GLIS3: variants seen among roughly 807,000 people sequenced by gnomAD.
GLIS3 encodes GLIS family zinc finger 3, also known as zinc finger protein GLIS3.
Under a neutral mutation model 78.6 loss-of-function variants are expected in GLIS3, and 53 were observed. The observed-to-expected ratio is 0.67, with a 90% CI of 0.54 to 0.85. GLIS3 has a LOEUF of 0.85. Ranked by LOEUF, GLIS3 falls within the 40% of genes least tolerant of loss-of-function variation. GLIS3 has a pLI of 0.00. For missense variants in GLIS3, 1,703 were observed against 1,231.1 expected, an observed-to-expected ratio of 1.38 and a Z score of -5.74; for synonymous variants, 684 against 509.9, an observed-to-expected ratio of 1.34 and a Z score of -4.60.
chr9:4,187,839 T>G (rs545382564), intron 2 of GLIS3, among the ~76,000 whole-genome samples: 23 of 152,270 alleles, frequency 1.5e-4, no homozygotes, highest in African/African-American at 4.6e-4. Flanking sequence ...TTTTTGCACA[T>G]TGATTTTGTA....
At chr9:4,336,823 C>T (rs903211668) in intron 2 of GLIS3, among the ~76,000 whole-genome samples, 26 of 152,158 alleles carry the variant, frequency 1.7e-4, no homozygotes, top group Non-Finnish European at 2.9e-4. Flanking sequence ...AATTACACTA[C>T]AGATCTGCTA....
At chr9:4,222,347 G>C (rs1472684597) in intron 2 of GLIS3, among the ~76,000 whole-genome samples, 1 of 152,116 alleles carries the variant, frequency 6.6e-6, no homozygotes, top group Non-Finnish European at 1.5e-5. Flanking sequence ...AATTCTCTCT[G>C]CATCAGATTT....
chr9:4,169,862 C>G (rs1014100059), intron 2 of GLIS3, among the ~76,000 whole-genome samples: 6 of 151,904 alleles, frequency 3.9e-5, no homozygotes, highest in African/African-American at 1.5e-4. Flanking sequence ...GAAATTATAT[C>G]AAAATTAAAA....
chr9:4,100,958 G>A (rs559113697), intron 4 of GLIS3, among the ~76,000 whole-genome samples: 3 of 152,148 alleles, frequency 2.0e-5, no homozygotes, highest in Non-Finnish European at 4.4e-5. Context: ...TAATATAATA[G>A]CCAGCCCTGG....
exon 1 of GLIS3, chr9:4,348,282 A>G (rs1013363908): frequency 1.3e-5 from 2 of 152,224 alleles, no homozygotes; most frequent in African/African-American, 2.4e-5. Flanking sequence ...TGTCTTCACA[A>G]TATCATCGAG....
intron 2 of GLIS3, among the ~76,000 whole-genome samples, chr9:4,332,469 T>A (rs1433542106): frequency 6.6e-6 from 1 of 152,206 alleles, no homozygotes; most frequent in Non-Finnish European, 1.5e-5. Flanking sequence ...ACACAGAATC[T>A]TTTTCACAAA....
chr9:4,058,638 T>A (rs917678577), intron 4 of GLIS3, among the ~76,000 whole-genome samples: 1 of 152,154 alleles, frequency 6.6e-6, no homozygotes, highest in Non-Finnish European at 1.5e-5. Flanking sequence ...AGAGCGACAT[T>A]TGCTTGCTCC....
chr9:4,479,250 A>T, the GLIS3 span, among the ~76,000 whole-genome samples: 2 of 152,182 alleles, frequency 1.3e-5, no homozygotes, highest in African/African-American at 4.8e-5. Flanking sequence ...TTAACAAATA[A>T]ATAAGAGAGA....
At chr9:4,164,449 G>C (rs1586852155) in intron 2 of GLIS3, among the ~76,000 whole-genome samples, 2 of 152,200 alleles carry the variant, frequency 1.3e-5, no homozygotes, top group African/African-American at 4.8e-5. Context: ...ATTTCTTCAT[G>C]TTAAAGAGGG....
chr9:4,224,560 C>T (rs1821604196), intron 2 of GLIS3, among the ~76,000 whole-genome samples: 1 of 152,152 alleles, frequency 6.6e-6, no homozygotes, highest in African/African-American at 2.4e-5. Flanking sequence ...ATTGTTTTCT[C>T]ACCGCATTGG....
At chr9:4,237,252 T>A (rs1822851200) in intron 2 of GLIS3, among the ~76,000 whole-genome samples, 1 of 152,032 alleles carries the variant, frequency 6.6e-6, no homozygotes, top group South Asian at 2.1e-4. Flanking sequence ...ATAATTTAAA[T>A]ATTAAAGGCA....
the GLIS3 span, among the ~76,000 whole-genome samples, chr9:4,426,264 A>G: frequency 6.6e-6 from 1 of 152,188 alleles, no homozygotes; most frequent in Non-Finnish European, 1.5e-5. Context: ...TCAGTTGTTC[A>G]TAGGATTTAC....
intron 2 of GLIS3, among the ~76,000 whole-genome samples, chr9:4,149,815 G>A (rs1431484428): frequency 6.6e-6 from 1 of 152,196 alleles, no homozygotes; most frequent in African/African-American, 2.4e-5. Flanking sequence ...GGTAAAATAA[G>A]GTAGGATAAA....
chr9:4,084,659 G>A (rs1406975953), intron 4 of GLIS3, among the ~76,000 whole-genome samples: 1 of 152,086 alleles, frequency 6.6e-6, no homozygotes, highest in African/African-American at 2.4e-5. Context: ...ACCACACACT[G>A]CTCTTTGTTA....
chr9:4,250,527 C>A (rs1417445699), intron 2 of GLIS3, among the ~76,000 whole-genome samples: 1 of 151,990 alleles, frequency 6.6e-6, no homozygotes, highest in Non-Finnish European at 1.5e-5. Context: ...GTTTTGCTAG[C>A]AGTCTATCAG....
chr9:4,350,465 T>A (rs1326687981), upstream of GLIS3, among the ~76,000 whole-genome samples: 3 of 152,222 alleles, frequency 2.0e-5, no homozygotes, highest in Non-Finnish European at 4.4e-5. Flanking sequence ...TTCTTTAAAC[T>A]GCATTTTCAC....
chr9:4,238,612 G>T (rs77431718), intron 2 of GLIS3, among the ~76,000 whole-genome samples: 17 of 152,144 alleles, frequency 1.1e-4, no homozygotes, highest in African/African-American at 4.1e-4. Context: ...AATAAGTTTT[G>T]CCAGTGTTCT....
intron 8 of GLIS3, among the ~76,000 whole-genome samples, chr9:3,868,505 T>C (rs146946913): frequency 9.9e-4 from 151 of 152,356 alleles, no homozygotes; most frequent in African/African-American, 3.6e-3. Flanking sequence ...ATCCCTATTG[T>C]GCTGCTTCAC....
At chr9:4,380,578 G>A in the GLIS3 span, among the ~76,000 whole-genome samples, 22 of 152,204 alleles carry the variant, frequency 1.4e-4, no homozygotes, top group South Asian at 4.1e-4. Flanking sequence ...GCAGATTTCC[G>A]GGCCTCACAC....
Sources: gnomAD v4.1 joint callset for allele counts (sites outside exome capture counted in the v4.1 genomes callset) on GRCh38, gnomAD v4.1.1 for gene constraint, MANE v1.5 for transcripts, NCBI Gene and HGNC (gene_info 2026-07-23, HGNC 2026-07-21) for gene names.